The following DGKB variants were observed in gnomAD, a reference collection of about 807,000 sequenced individuals.
The protein encoded by DGKB is diacylglycerol kinase beta.
In DGKB, 67 loss-of-function variants were observed where a neutral mutation model predicts 114.3. The observed-to-expected ratio is 0.59, with a 90% CI of 0.48 to 0.72. DGKB has a LOEUF of 0.72. DGKB is among the 30% of genes least tolerant of loss of function. The pLI, the probability that DGKB is intolerant of heterozygous loss-of-function variation, is 0.00. For synonymous variants in DGKB, 398 were observed against 323.1 expected, an observed-to-expected ratio of 1.23 and a Z score of -2.49; for missense variants, 907 against 975.2, an observed-to-expected ratio of 0.93 and a Z score of 0.93.
At chr7:14,424,560 G>C (rs918136988) in intron 21 of DGKB, among the ~76,000 whole-genome samples, 1 of 151,830 alleles carries the variant, frequency 6.6e-6, no homozygotes, top group Admixed American at 6.6e-5. Context: ...TATTATATCT[G>C]CTATTTCATA....
intron 23 of DGKB, among the ~76,000 whole-genome samples, chr7:14,187,331 C>T (rs1428341535): frequency 6.6e-6 from 1 of 152,124 alleles, no homozygotes; most frequent in Admixed American, 6.5e-5. Flanking sequence ...TAGCCACAGG[C>T]CTGCTTGGCA....
intron 2 of DGKB, among the ~76,000 whole-genome samples, chr7:14,775,703 T>C (rs1384644678): frequency 6.6e-6 from 1 of 152,066 alleles, no homozygotes; most frequent in African/African-American, 2.4e-5. Flanking sequence ...ATTCTTTTTC[T>C]GCCATGATTG....
chr7:14,791,937 T>C (rs1197795325), intron 2 of DGKB, among the ~76,000 whole-genome samples: 1 of 152,104 alleles, frequency 6.6e-6, no homozygotes, highest in Non-Finnish European at 1.5e-5. Flanking sequence ...TTCCATATTT[T>C]TACTCTTTGG....
chr7:14,956,659 T>C (rs576198643), intron 1 of DGKB, among the ~76,000 whole-genome samples: 63 of 152,158 alleles, frequency 4.1e-4, no homozygotes, highest in Non-Finnish European at 7.8e-4. Context: ...AATTTCATTG[T>C]CTATACAAGA....
chr7:14,583,151 A>C lies in DGKB; in HGVS notation c.1434-14T>G. On this transcript the variant is annotated splice_polypyrimidine_tract_variant and intron_variant, in intron 17 of 25. Coordinates refer to ENST00000402815, the MANE Select transcript of DGKB (RefSeq NM_001350709.2). Reference sequence around the variant, plus strand: ...AAAAAGTTTAACCTGAAAAATAAGCATGTTATGGCACATGATTAATAGTTT... The same window carrying C: ...AAAAAGTTTAACCTGAAAAATAAGCCTGTTATGGCACATGATTAATAGTTT... The C allele has an allele frequency of 1.3e-6, 2 of 1,526,230 alleles. No individual in the cohort carries two copies. The highest frequency in any genetic ancestry group is 1.8e-6 in the Non-Finnish European group (2 of 1,102,844). 94.5% of individuals were successfully genotyped at this position (1,526,230 alleles called of 1,614,324 possible).
chr7:14,467,028 T>G (rs1780577476), intron 21 of DGKB, among the ~76,000 whole-genome samples: 1 of 152,118 alleles, frequency 6.6e-6, no homozygotes, highest in Non-Finnish European at 1.5e-5. Flanking sequence ...TGAAAATTTC[T>G]GGACTATGCC....
In DGKB at chr7:14,307,282, A is replaced by T. The variant is rs551570573; in HGVS notation, c.2122+31233T>A. 3.9e-5 allele frequency among the ~76,000 whole-genome samples: 6 copies of T among 152,310 alleles called. No homozygotes were observed. The South Asian group carries it at 1.2e-3, about 32-fold the overall frequency. ...TAATTTCTAAAACAAAAGAATTTTA[A>T]TAGTATAGAAAATGCTGATAGTCAT... On this transcript the variant is annotated intron_variant, in intron 23 of 25. Coordinates refer to ENST00000402815, the MANE Select transcript of DGKB (RefSeq NM_001350709.2).
At chr7:14,466,271 C>T (rs1215084859) in intron 21 of DGKB, among the ~76,000 whole-genome samples, 2 of 152,116 alleles carry the variant, frequency 1.3e-5, no homozygotes, top group African/African-American at 4.8e-5. Context: ...AAAATAGCAA[C>T]ATTAAGGCCA....
At chr7:14,656,934 A>G (rs1461549568) in intron 13 of DGKB, among the ~76,000 whole-genome samples, 2 of 151,756 alleles carry the variant, frequency 1.3e-5, no homozygotes, top group East Asian at 3.9e-4. Flanking sequence ...CACGTTCTAC[A>G]TAATATAAAC....
In DGKB at chr7:14,498,041, T is replaced by G. The variant is rs978925657; in HGVS notation, c.1771-19816A>C. ...TCCATTTTTGAGTTAGATTCTTAAC[T>G]GTTATAATACATGGGGAATATCCAT... On this transcript the variant is annotated intron_variant, in intron 20 of 25. Coordinates refer to ENST00000402815, the MANE Select transcript of DGKB (RefSeq NM_001350709.2). Among the ~76,000 whole-genome samples the G allele has an allele frequency of 1.3e-5, 2 of 152,066 alleles. 1 individual carries two copies. Among genetic ancestry groups the G allele is most frequent in the East Asian group, 3.9e-4 (2 of 5,180 alleles).
chr7:14,537,381 A>C (rs1363800874), intron 20 of DGKB, among the ~76,000 whole-genome samples: 2 of 152,184 alleles, frequency 1.3e-5, no homozygotes, highest in African/African-American at 4.8e-5. Flanking sequence ...AACAAAGCTG[A>C]AGGAATCACA....
intron 1 of DGKB, among the ~76,000 whole-genome samples, chr7:14,960,816 C>A (rs537661845): frequency 1.2e-4 from 18 of 152,168 alleles, no homozygotes; most frequent in African/African-American, 3.4e-4. Flanking sequence ...ATACATTTAT[C>A]TTATCTTCCT....
chr7:14,279,689 G>C (rs1483266026), intron 23 of DGKB, among the ~76,000 whole-genome samples: 2 of 152,002 alleles, frequency 1.3e-5, no homozygotes, highest in East Asian at 3.9e-4. Flanking sequence ...CTCCTCAAGT[G>C]GGTCCCTCAC....
rs538824570 is a variant in DGKB at position 14,619,474 on chromosome 7, C to T, written c.1284+1904G>A. 5.9e-5 allele frequency among the ~76,000 whole-genome samples: 9 copies of T among 151,392 alleles called. No homozygotes were observed. In the East Asian group the frequency reaches 9.7e-4, roughly 16 times the overall value. ...ACTATTTAATTTTGGTTTTGATGTC[C>T]GGGCAAATTGAGGTATGATTATGAA... On this transcript the variant is annotated intron_variant, in intron 15 of 25. Coordinates refer to ENST00000402815, the MANE Select transcript of DGKB (RefSeq NM_001350709.2).
intron 13 of DGKB, among the ~76,000 whole-genome samples, chr7:14,643,977 C>T (rs1812390484): frequency 2.0e-5 from 3 of 152,158 alleles, no homozygotes; most frequent in Non-Finnish European, 4.4e-5. Context: ...CCACCAACAC[C>T]CATGCCTACA....
intron 1 of DGKB, among the ~76,000 whole-genome samples, chr7:14,950,066 C>T (rs889889467): frequency 2.0e-5 from 3 of 151,428 alleles, no homozygotes; most frequent in Admixed American, 6.6e-5. Context: ...CAAACCTGCA[C>T]ATTGTGCACA....
intron 13 of DGKB, among the ~76,000 whole-genome samples, chr7:14,643,669 C>G (rs910324134): frequency 6.6e-6 from 1 of 152,160 alleles, no homozygotes. Flanking sequence ...GTAGCTGAAG[C>G]ATGTGCACAC....
intron 21 of DGKB, among the ~76,000 whole-genome samples, chr7:14,473,338 G>C (rs933203133): frequency 6.6e-6 from 1 of 152,190 alleles, no homozygotes; most frequent in Non-Finnish European, 1.5e-5. Context: ...CTCCCACATG[G>C]TGTTGAGCCT....
At position 14,417,768 on chromosome 7, in the gene DGKB, A is replaced by C. The variant is rs539796031; in HGVS notation, c.1835+60393T>G. 1.5e-4 allele frequency among the ~76,000 whole-genome samples: 23 copies of C among 151,980 alleles called. No individual in the cohort carries two copies. The East Asian group carries it at 4.1e-3, about 27-fold the overall frequency. ...ACTGCTAGTAAATAATTAAATATAAACCTCTGTAAAGCTTTCTGCTGTAAT... is the reference window on the plus strand; with the variant it reads ...ACTGCTAGTAAATAATTAAATATAACCCTCTGTAAAGCTTTCTGCTGTAAT... On this transcript the variant is annotated intron_variant, in intron 21 of 25. Transcript: ENST00000402815.
Sources: allele counts gnomAD v4.1 joint callset (sites outside exome capture counted in the v4.1 genomes callset), GRCh38; gene constraint gnomAD v4.1.1; transcripts MANE v1.5; gene names NCBI Gene and HGNC (gene_info 2026-07-23, HGNC 2026-07-21).